The following RNF13 variants were observed in gnomAD, a reference collection of about 807,000 sequenced individuals.
RNF13 encodes ring finger protein 13.
RNF13 carries 19 observed loss-of-function variants against 37.7 expected under a neutral mutation model. The observed-to-expected ratio is 0.50, with a 90% CI of 0.35 to 0.74. The LOEUF is 0.74. Among genes scored for constraint, RNF13 ranks in the 30% least tolerant of loss-of-function variants. RNF13 has a pLI of 0.01. For missense variants in RNF13, 375 were observed against 453.0 expected, an observed-to-expected ratio of 0.83 and a Z score of 1.56; for synonymous variants, 144 against 157.8, an observed-to-expected ratio of 0.91 and a Z score of 0.65.
intron 5 of RNF13, among the ~76,000 whole-genome samples, chr3:149,896,097 A>G (rs1175895037): frequency 6.6e-6 from 1 of 152,216 alleles, no homozygotes; most frequent in Non-Finnish European, 1.5e-5. Flanking sequence ...TTTTAGTGGC[A>G]TAACTGGCTG....
At chr3:149,915,028 A>G (rs890366651) in intron 7 of RNF13, among the ~76,000 whole-genome samples, 3 of 152,128 alleles carry the variant, frequency 2.0e-5, no homozygotes, top group African/African-American at 4.8e-5. Context: ...AATAAAGGGG[A>G]AAAAGCAGTA....
intron 3 of RNF13, among the ~76,000 whole-genome samples, chr3:149,863,783 G>C (rs372254954): frequency 2.0e-4 from 31 of 152,192 alleles, no homozygotes; most frequent in African/African-American, 6.3e-4. Flanking sequence ...CAAAGATTTT[G>C]TTAAGAATTC....
rs554136539 is a variant in RNF13, at chr3:149,930,305, T to C, written c.700+9078T>C. Reference sequence around the variant, plus strand: ...TTACTTCAGTATGGTGTTGGCTGTTTTGGTGTTTTGCCATTCCGTATATAC... The same window carrying C: ...TTACTTCAGTATGGTGTTGGCTGTTCTGGTGTTTTGCCATTCCGTATATAC... On this transcript the variant is annotated intron_variant, in intron 8 of 9. Transcript: ENST00000392894. Among the ~76,000 whole-genome samples the C allele has an allele frequency of 8.5e-5, 13 of 152,306 alleles. No homozygotes were observed. In the South Asian group the frequency reaches 1.2e-3, roughly 15 times the overall value.
chr3:149,904,851 A>G (rs554704176), intron 6 of RNF13, among the ~76,000 whole-genome samples: 3 of 152,220 alleles, frequency 2.0e-5, no homozygotes, highest in Non-Finnish European at 2.9e-5. Flanking sequence ...CCTCTCCCCT[A>G]TCTTCTACCC....
intron 8 of RNF13, among the ~76,000 whole-genome samples, chr3:149,922,061 C>T (rs141601783): frequency 0.04 from 6,150 of 152,128 alleles, 164 homozygotes; most frequent in Middle Eastern, 0.065. Flanking sequence ...GCAGCCTCCG[C>T]CCCCCAGGTT....
At chr3:149,894,398 G>A (rs1367469931) in intron 4 of RNF13, among the ~76,000 whole-genome samples, 1 of 152,134 alleles carries the variant, frequency 6.6e-6, no homozygotes, top group Non-Finnish European at 1.5e-5. Context: ...TTGGGAACTT[G>A]ACTCTTTGGG....
At chr3:149,845,729 A>T (rs1167968473) in intron 1 of RNF13, 1 of 209,468 alleles carries the variant, frequency 4.8e-6, no homozygotes, top group African/African-American at 2.3e-5. Flanking sequence ...TAGTAAGACA[A>T]GCTGTACTAT....
intron 8 of RNF13, among the ~76,000 whole-genome samples, chr3:149,945,360 C>CT (rs1720664697): frequency 6.6e-6 from 1 of 151,934 alleles, no homozygotes; most frequent in Admixed American, 6.6e-5. Context: ...GGCAGCAAGG[C>CT]TGGGGGGTGG....
At chr3:149,930,851 T>C (rs532337155) in intron 8 of RNF13, among the ~76,000 whole-genome samples, 20 of 152,298 alleles carry the variant, frequency 1.3e-4, no homozygotes, top group African/African-American at 4.8e-4. Context: ...AGGCATAGAA[T>C]TGTTTAGTAT....
chr3:149,895,132 G>A (rs1274768709), intron 4 of RNF13: 2 of 167,500 alleles, frequency 1.2e-5, no homozygotes, highest in Non-Finnish European at 2.5e-5. Flanking sequence ...ATGGTATTAA[G>A]CATTTTTAAA....
chr3:149,888,104 C>T (rs1714254554), intron 4 of RNF13, among the ~76,000 whole-genome samples: 1 of 152,064 alleles, frequency 6.6e-6, no homozygotes, highest in South Asian at 2.1e-4. Context: ...TATTCCTAAA[C>T]CATGGTAGAT....
Position 149,941,067 on chromosome 3 carries a change from T to C in RNF13, c.701-18989T>C, listed in dbSNP as rs1576574403. Among the ~76,000 whole-genome samples, 4 of 152,354 alleles carry C rather than the reference T, an allele frequency of 2.6e-5. No homozygotes were observed. In the East Asian group the frequency reaches 7.7e-4, roughly 29 times the overall value. On this transcript the variant is annotated intron_variant, in intron 8 of 9. Coordinates refer to ENST00000392894, the MANE Select transcript of RNF13 (RefSeq NM_183381.3). ...AGATTTCATAATACTACATTTTATG[T>C]ATATACCATTTTCCTTTTCCATTCG...
At chr3:149,908,161 C>T (rs950627267) in intron 6 of RNF13, among the ~76,000 whole-genome samples, 2 of 152,142 alleles carry the variant, frequency 1.3e-5, no homozygotes, top group Non-Finnish European at 2.9e-5. Flanking sequence ...ATTCTAGAAG[C>T]ATTTTGTAAC....
intron 8 of RNF13, among the ~76,000 whole-genome samples, chr3:149,921,832 A>T (rs750526494): frequency 1.8e-4 from 27 of 152,256 alleles, no homozygotes; most frequent in Non-Finnish European, 2.5e-4. Context: ...GGATTGCTGG[A>T]TCAAATGGTA....
intron 8 of RNF13, among the ~76,000 whole-genome samples, chr3:149,947,892 C>T (rs547685714): frequency 1.3e-5 from 2 of 152,160 alleles, no homozygotes; most frequent in East Asian, 1.9e-4. Flanking sequence ...CTCCTGCTCT[C>T]CAGTTTCTCA....
At chr3:149,836,861 TATC>T (rs1721678014) in intron 1 of RNF13, among the ~76,000 whole-genome samples, 1 of 152,232 alleles carries the variant, frequency 6.6e-6, no homozygotes, top group African/African-American at 2.4e-5. Flanking sequence ...CACTTCAAGA[TATC>T]ATGCTAAGTG....
chr3:149,926,440 G>C (rs1268368942), intron 8 of RNF13, among the ~76,000 whole-genome samples: 1 of 152,134 alleles, frequency 6.6e-6, no homozygotes, highest in African/African-American at 2.4e-5. Flanking sequence ...TCGATCTCCT[G>C]ACCTCATGAT....
At chr3:149,898,298 A>AT (rs1176033959) in intron 5 of RNF13, among the ~76,000 whole-genome samples, 14 of 149,296 alleles carry the variant, frequency 9.4e-5, no homozygotes, top group East Asian at 7.8e-4. Context: ...TCTCTGGGTC[A>AT]TTTTTTTTTT....
rs1387082084 is a variant in RNF13 at position 149,961,431 on chromosome 3, T to G, written c.*327T>G. ...TCACAGTATTTAAGTGTTTTGCGTT[T>G]TATACATGAGGTCAGTGCTACAGCC... On this transcript the variant is annotated 3_prime_UTR_variant, in exon 10 of 10. Coordinates refer to ENST00000392894, the MANE Select transcript of RNF13 (RefSeq NM_183381.3). 2.1e-6 allele frequency: 1 copy of G among 471,804 alleles called. No homozygotes were observed. Among genetic ancestry groups the G allele is most frequent in the Non-Finnish European group, 4.1e-6 (1 of 243,734 alleles). 29.2% of individuals were successfully genotyped at this position (471,804 alleles called of 1,614,324 possible).
Sources: gnomAD v4.1 joint callset for allele counts (sites outside exome capture counted in the v4.1 genomes callset) on GRCh38, gnomAD v4.1.1 for gene constraint, MANE v1.5 for transcripts, NCBI Gene and HGNC (gene_info 2026-07-23, HGNC 2026-07-21) for gene names.